SH3TC2: variants seen among roughly 807,000 people sequenced by gnomAD.
The protein encoded by SH3TC2 is SH3 domain and tetratricopeptide repeat-containing protein 2.
In SH3TC2, 87 loss-of-function variants were observed where a neutral mutation model predicts 124.5. The ratio of observed to expected loss-of-function variants is 0.70; its 90% CI spans 0.59 to 0.84. The LOEUF is 0.84. Among genes scored for constraint, SH3TC2 ranks in the 40% least tolerant of loss-of-function variants. The pLI is 0.00. For synonymous variants in SH3TC2, 634 were observed against 628.5 expected (o/e 1.01, Z -0.13); for missense variants, 1,536 against 1,566.4 (o/e 0.98, Z 0.33).
rs1482917213 is a variant in SH3TC2, at chr5:149,001,261, T to C, written c.*3450A>G. ...AAATAAGAAAAGGACAAAAGCAATA[T>C]TGGATTTCAGAATGTTAATACTGTT... On this transcript the variant is annotated 3_prime_UTR_variant, in exon 17 of 17. Transcript: ENST00000515425. 6.6e-6 allele frequency: 1 copy of C among 152,148 alleles called. No individual in the cohort carries two copies. The highest frequency in any genetic ancestry group is 2.4e-5 in the African/African-American group (1 of 41,412). The allele number at this position is 152,148 out of a possible 1,614,324, so 9.4% of individuals were successfully genotyped here.
At chr5:149,011,557 C>A (rs1321963876) in intron 13 of SH3TC2, among the ~76,000 whole-genome samples, 1 of 152,200 alleles carries the variant, frequency 6.6e-6, no homozygotes, top group Non-Finnish European at 1.5e-5. Flanking sequence ...ATTACTCAGC[C>A]TCTCTGAGCT....
Position 148,986,631 on chromosome 5 carries a change from T to A in SH3TC2, c.*18080A>T, listed in dbSNP as rs928979679. Reference sequence around the variant, plus strand: ...TAAAAGTGAACTTCAATTAGATTATTCATACACAACAGGTTTGAGTACATG... The same window carrying A: ...TAAAAGTGAACTTCAATTAGATTATACATACACAACAGGTTTGAGTACATG... On this transcript the variant is annotated 3_prime_UTR_variant, in exon 17 of 17. Coordinates refer to ENST00000515425, the MANE Select transcript of SH3TC2 (RefSeq NM_024577.4). Among the ~76,000 whole-genome samples the A allele has an allele frequency of 1.3e-5, 2 of 152,228 alleles. No individual in the cohort carries two copies. The highest frequency in any genetic ancestry group is 2.9e-5 in the Non-Finnish European group (2 of 68,046).
Position 149,012,487 on chromosome 5 carries a change from A to G in SH3TC2, c.3204+97T>C. On this transcript the variant is annotated intron_variant, in intron 13 of 16. Transcript: ENST00000515425. ...TCTCCACAGGCTTAGGGTGAACATC[A>G]TCCCTCTCTGGTTCCCCCTGGTTGA... 2.0e-6 allele frequency: 3 copies of G among 1,475,082 alleles called. No individual in the cohort carries two copies. In the Admixed American group the frequency reaches 5.0e-5, roughly 25 times the overall value. The allele number at this position is 1,475,082 out of a possible 1,614,324, so 91.4% of individuals were successfully genotyped here.
chr5:149,025,601 T>C (rs538058783), intron 12 of SH3TC2, among the ~76,000 whole-genome samples: 114 of 152,310 alleles, frequency 7.5e-4, no homozygotes, highest in African/African-American at 2.5e-3. Context: ...ACACAGGATT[T>C]AATGGAATCA....
rs776961982 is a variant in SH3TC2 at position 149,038,407 on chromosome 5, T to A, written c.889A>T (p.Ile297Phe). ...AGCCCAGGTATGACAAAGCCGATGA[T>A]CTCAATGCTTTCTCCCTGGTAGAAA... ...LNFYQGESIE[I>F]IGFVIPGLQW... Residue 297 changes from isoleucine to phenylalanine, a missense_variant, in exon 8 of 17, where the codon ATC becomes TTC. By Grantham distance (21) the Ile-to-Phe change is conservative (BLOSUM62 0). Transcript: ENST00000515425. 1 of 1,614,038 alleles carries A rather than the reference T, an allele frequency of 6.2e-7. No individual in the cohort carries two copies. The highest frequency in any genetic ancestry group is 1.3e-5 in the African/African-American group (1 of 74,928).
rs756108498 is a variant in SH3TC2, at chr5:149,012,598, C to T, written c.3190G>A (p.Glu1064Lys). Residue 1064 changes from glutamate to lysine, a missense_variant, in exon 13 of 17, where the codon GAG becomes AAG. Transcript: ENST00000515425. ...AGGAGGCCTACCTGCAGGCACAGCT[C>T]CACCAGCTCGTCTTCCTGCATGAGG... ...HYLMQEDELV[E>K]LCLQAAIQTA... The T allele has an allele frequency of 1.9e-6, 3 of 1,614,032 alleles. No homozygotes were observed. Among genetic ancestry groups the T allele is most frequent in the Non-Finnish European group, 2.5e-6 (3 of 1,180,032 alleles).
At chr5:149,047,764 G>T (rs770576382) in intron 3 of SH3TC2, 98 bp downstream of exon 3, 18 of 1,496,546 alleles carry the variant, frequency 1.2e-5, no homozygotes, top group Non-Finnish European at 1.7e-5. Flanking sequence ...TTTTTCCGAG[G>T]ACCTACTTTG....
At chr5:149,050,011 C>T (rs1754529583) in intron 2 of SH3TC2, among the ~76,000 whole-genome samples, 2 of 152,172 alleles carry the variant, frequency 1.3e-5, no homozygotes, top group South Asian at 4.1e-4. Context: ...CCATCTCATC[C>T]ATCCTTCCAA....
intron 1 of SH3TC2, among the ~76,000 whole-genome samples, chr5:149,053,424 G>A (rs1031507405): frequency 6.6e-6 from 1 of 152,184 alleles, no homozygotes; most frequent in African/African-American, 2.4e-5. Flanking sequence ...AGAATGAAGT[G>A]GATTTCAGCT....
rs959362212 is a variant in SH3TC2 at position 148,997,369 on chromosome 5, A to G, written c.*7342T>C. On this transcript the variant is annotated 3_prime_UTR_variant, in exon 17 of 17. Transcript: ENST00000515425. ...TTATAATTTGTTTTGACCAATCACT[A>G]CTATAGGTCAAAGCTTTCTGTTCCT... is the stretch of plus-strand genomic sequence containing the variant. Among the ~76,000 whole-genome samples the G allele has an allele frequency of 1.3e-5, 2 of 152,238 alleles. No individual in the cohort carries two copies. Among genetic ancestry groups the G allele is most frequent in the Middle Eastern group, 3.4e-3 (1 of 294 alleles).
chr5:149,048,433 T>C (rs1426124461), intron 2 of SH3TC2, among the ~76,000 whole-genome samples: 2 of 152,160 alleles, frequency 1.3e-5, no homozygotes, highest in African/African-American at 2.4e-5. Context: ...CTTTGTGCAT[T>C]ACACATTAAC....
chr5:149,036,618 A>C (rs1754287310), intron 8 of SH3TC2, among the ~76,000 whole-genome samples: 1 of 152,204 alleles, frequency 6.6e-6, no homozygotes, highest in South Asian at 2.1e-4. Context: ...AGGATTCTAA[A>C]GTTCCAGAGG....
chr5:149,024,435 G>A (rs1754030617), intron 12 of SH3TC2, among the ~76,000 whole-genome samples: 1 of 152,126 alleles, frequency 6.6e-6, no homozygotes, highest in Non-Finnish European at 1.5e-5. Flanking sequence ...AGGCACCCTA[G>A]AAAGCCCACA....
At chr5:149,006,666 C>A (rs1305220199) in intron 16 of SH3TC2, among the ~76,000 whole-genome samples, 1 of 152,136 alleles carries the variant, frequency 6.6e-6, no homozygotes, top group Non-Finnish European at 1.5e-5. Flanking sequence ...TACTCCTCAG[C>A]GAAGATGGGA....
intron 2 of SH3TC2, among the ~76,000 whole-genome samples, chr5:149,050,839 T>C (rs1754544079): frequency 6.6e-6 from 1 of 152,210 alleles, no homozygotes; most frequent in African/African-American, 2.4e-5. Flanking sequence ...CAAGTCTATA[T>C]TTTGTATTAC....
At chr5:149,057,880 A>G (rs1179198775) in intron 1 of SH3TC2, among the ~76,000 whole-genome samples, 1 of 152,186 alleles carries the variant, frequency 6.6e-6, no homozygotes, top group Non-Finnish European at 1.5e-5. Context: ...GCATAATCCA[A>G]CTGGGTTATG....
intron 5 of SH3TC2, among the ~76,000 whole-genome samples, chr5:149,041,918 A>G (rs1350757908): frequency 6.6e-6 from 1 of 152,202 alleles, no homozygotes; most frequent in East Asian, 1.9e-4. Flanking sequence ...GTGAAAATAT[A>G]TTTATATTTA....
Position 148,992,220 on chromosome 5 carries a change from T to A in SH3TC2, c.*12491A>T, listed in dbSNP as rs1452272093. 6.6e-6 allele frequency among the ~76,000 whole-genome samples: 1 copy of A among 152,248 alleles called. No individual in the cohort carries two copies. The highest frequency in any genetic ancestry group is 1.5e-5 in the Non-Finnish European group (1 of 68,044). On this transcript the variant is annotated 3_prime_UTR_variant, in exon 17 of 17. Transcript: ENST00000515425. Reference sequence around the variant, plus strand: ...GAAATGGAGGCCCAGAATGGTTAAGTGCCTTGCCCAAGGTCATGCACACAG... The same window carrying A: ...GAAATGGAGGCCCAGAATGGTTAAGAGCCTTGCCCAAGGTCATGCACACAG...
At chr5:149,035,247 C>T (rs1019422899) in intron 8 of SH3TC2, 3 of 152,154 alleles carry the variant, frequency 2.0e-5, no homozygotes, top group Non-Finnish European at 2.9e-5. Context: ...AACTGTAATA[C>T]TATAAAATAC....
Sources: allele counts gnomAD v4.1 joint callset (sites outside exome capture counted in the v4.1 genomes callset), GRCh38; gene constraint gnomAD v4.1.1; transcripts MANE v1.5; gene names NCBI Gene and HGNC (gene_info 2026-07-23, HGNC 2026-07-21).